Variants in ZNF69 observed in about 807,000 individuals in gnomAD.
ZNF69 encodes ZNF3.
In ZNF69, 47 loss-of-function variants were observed where a neutral mutation model predicts 50.9. The ratio of observed to expected loss-of-function variants is 0.92; its 90% CI spans 0.73 to 1.18. The LOEUF is 1.18. Ranked by LOEUF, ZNF69 falls within the 50% of genes most tolerant of loss-of-function variation. The pLI is 0.00. For missense variants in ZNF69, 717 were observed against 675.1 expected, an observed-to-expected ratio of 1.06 and a Z score of -0.69; for synonymous variants, 216 against 223.1, an observed-to-expected ratio of 0.97 and a Z score of 0.29.
At chr19:11,949,119 GAT>G in the ZNF69 span, 15 of 1,611,056 alleles carry the variant, frequency 9.3e-6, 1 homozygote, top group South Asian at 1.3e-4. Context: ...ATAAATGTAA[GAT>G]ATGTGGGAAA....
At chr19:11,934,986 G>C in the ZNF69 span, among the ~76,000 whole-genome samples, 4 of 146,468 alleles carry the variant, frequency 2.7e-5, no homozygotes, top group Non-Finnish European at 5.9e-5. Flanking sequence ...GACCATCCTG[G>C]CTAACACTGT....
At chr19:11,929,619 G>C in the ZNF69 span, among the ~76,000 whole-genome samples, 2 of 147,936 alleles carry the variant, frequency 1.4e-5, no homozygotes, top group African/African-American at 5.3e-5. Context: ...AGGGTCCTTA[G>C]GTAGGACCTT....
chr19:11,936,257 C>T, the ZNF69 span, among the ~76,000 whole-genome samples: 3 of 152,142 alleles, frequency 2.0e-5, no homozygotes, highest in Admixed American at 6.6e-5. Context: ...CTTGAGGAAT[C>T]GCCACACTGT....
intron 1 of ZNF69, 103 bp from the exon 2 acceptor site, chr19:11,903,470 C>T: frequency 1.3e-6 from 2 of 1,544,100 alleles, no homozygotes; most frequent in Non-Finnish European, 1.8e-6. Flanking sequence ...GATCTGATGA[C>T]CCTTGGAGTC....
chr19:11,925,645 C>T, the ZNF69 span, among the ~76,000 whole-genome samples: 2 of 152,180 alleles, frequency 1.3e-5, no homozygotes, highest in African/African-American at 2.4e-5. Flanking sequence ...CTGTGGGGCC[C>T]CCAGTCCCCA....
At chr19:11,925,170 G>C in the ZNF69 span, 3 of 1,608,580 alleles carry the variant, frequency 1.9e-6, no homozygotes, top group South Asian at 2.2e-5. Context: ...AGAGGGACCT[G>C]GTGCCTGTAC....
At chr19:11,909,702 A>G (rs1463981915), downstream of ZNF69, among the ~76,000 whole-genome samples, 1 of 152,318 alleles carries the variant, frequency 6.6e-6, no homozygotes, top group East Asian at 1.9e-4. Flanking sequence ...ACAAACCTAC[A>G]GTCAATATCA....
the ZNF69 span, among the ~76,000 whole-genome samples, chr19:11,938,796 A>AC: frequency 6.6e-6 from 1 of 151,926 alleles, no homozygotes; most frequent in South Asian, 2.1e-4. Context: ...TTGAGGAATC[A>AC]CCACACTGTC....
chr19:11,974,127 TTTCTTTCTTTCTTTC>T, the ZNF69 span, among the ~76,000 whole-genome samples: 1 of 31,990 alleles, frequency 3.1e-5, no homozygotes, highest in Non-Finnish European at 7.6e-5. Context: ...CTTTCTTTCT[TTTCTTTCTTTCTTTC>T]TTTCTTTCTT....
At chr19:11,917,224 T>C (rs547083692), downstream of ZNF69, among the ~76,000 whole-genome samples, 13 of 152,268 alleles carry the variant, frequency 8.5e-5, no homozygotes, top group East Asian at 1.9e-3. Flanking sequence ...GGAGAATTGA[T>C]TGGTGTTCAG....
chr19:11,967,035 T>A, the ZNF69 span, among the ~76,000 whole-genome samples: 2 of 151,890 alleles, frequency 1.3e-5, no homozygotes, highest in South Asian at 4.2e-4. Flanking sequence ...GTGTAGAGAG[T>A]TTATTGAAAG....
Position 11,906,284 on chromosome 19 carries a change from T to G in ZNF69, c.*186T>G, listed in dbSNP as rs1972372851. On this transcript the variant is annotated 3_prime_UTR_variant, in exon 4 of 4. Coordinates refer to ENST00000429654, the MANE Select transcript of ZNF69 (RefSeq NM_001364730.1). Reference sequence around the variant, plus strand: ...CTGAACAAAAGGCAGCAGAAACTTCTGCAGACTTAAATGTCCCTGTCTGAC... The same window carrying G: ...CTGAACAAAAGGCAGCAGAAACTTCGGCAGACTTAAATGTCCCTGTCTGAC... 1 of 1,441,482 alleles carries G rather than the reference T, an allele frequency of 6.9e-7. No individual in the cohort carries two copies. The highest frequency in any genetic ancestry group is 1.4e-5 in the African/African-American group (1 of 69,934). 89.3% of individuals were successfully genotyped at this position (1,441,482 alleles called of 1,614,324 possible).
At chr19:11,975,587 CAG>C in the ZNF69 span, among the ~76,000 whole-genome samples, 9 of 151,986 alleles carry the variant, frequency 5.9e-5, no homozygotes, top group South Asian at 1.7e-3. Flanking sequence ...TTAGTAGAGA[CAG>C]GGTTTCACTG....
At chr19:11,954,063 A>T in the ZNF69 span, among the ~76,000 whole-genome samples, 2 of 152,168 alleles carry the variant, frequency 1.3e-5, no homozygotes, top group African/African-American at 4.8e-5. Context: ...ACAGGAAAAA[A>T]ATTTCAGATC....
chr19:11,949,558 A>G, the ZNF69 span: 5 of 1,611,612 alleles, frequency 3.1e-6, no homozygotes, highest in South Asian at 5.5e-5. Context: ...TAAATGTAGT[A>G]TATGTGAGAA....
At chr19:11,975,300 A>G in the ZNF69 span, among the ~76,000 whole-genome samples, 10 of 151,314 alleles carry the variant, frequency 6.6e-5, no homozygotes, top group Admixed American at 5.9e-4. Flanking sequence ...CGAACTCCCA[A>G]CCTCAGATGA....
chr19:11,950,132 A>C, the ZNF69 span: 124 of 1,614,052 alleles, frequency 7.7e-5, no homozygotes, highest in Non-Finnish European at 1.0e-4. Context: ...GGAGAGAAAC[A>C]CTATGAATGT....
the ZNF69 span, chr19:11,950,194 A>G: frequency 6.8e-6 from 11 of 1,613,884 alleles, no homozygotes; most frequent in South Asian, 6.6e-5. Context: ...TATACACGCA[A>G]GGACTCATAT....
intron 1 of ZNF69, among the ~76,000 whole-genome samples, chr19:11,896,989 T>G (rs1252318597): frequency 6.6e-6 from 1 of 152,188 alleles, no homozygotes; most frequent in African/African-American, 2.4e-5. Context: ...CAGTGTAGAC[T>G]TTTTGCATAA....
Sources: gnomAD v4.1 joint callset for allele counts (sites outside exome capture counted in the v4.1 genomes callset) on GRCh38, gnomAD v4.1.1 for gene constraint, MANE v1.5 for transcripts, NCBI Gene and HGNC (gene_info 2026-07-23, HGNC 2026-07-21) for gene names.